PCDH15: variants seen among roughly 807,000 people sequenced by gnomAD.
The protein encoded by PCDH15 is protocadherin related 15.
A neutral mutation model predicts 178.5 loss-of-function variants in PCDH15; 129 were observed. That is an observed-to-expected ratio of 0.72 (90% CI 0.63 to 0.84). PCDH15 has a LOEUF of 0.84. Among genes scored for constraint, PCDH15 ranks in the 40% least tolerant of loss-of-function variants. The pLI, the probability that PCDH15 is intolerant of heterozygous loss-of-function variation, is 0.00. For synonymous variants in PCDH15, 800 were observed against 732.0 expected, an observed-to-expected ratio of 1.09 and a Z score of -1.50; for missense variants, 2,230 against 2,099.9, an observed-to-expected ratio of 1.06 and a Z score of -1.21.
At chr10:53,897,431 T>C (rs1275053602) in intron 26 of PCDH15, among the ~76,000 whole-genome samples, 2 of 152,196 alleles carry the variant, frequency 1.3e-5, no homozygotes, top group Non-Finnish European at 2.9e-5. Flanking sequence ...ATTTTAAAGT[T>C]TAAAACATTT....
chr10:54,281,476 A>C (rs575757421), intron 8 of PCDH15, among the ~76,000 whole-genome samples: 19 of 152,016 alleles, frequency 1.2e-4, no homozygotes, highest in African/African-American at 4.3e-4. Flanking sequence ...TATTGAGTCT[A>C]TTAATCTTCT....
chr10:55,383,388 C>T (rs1016759660), intron 2 of PCDH15, among the ~76,000 whole-genome samples: 8 of 151,908 alleles, frequency 5.3e-5, no homozygotes, highest in Admixed American at 3.3e-4. Context: ...AGGGGCATGG[C>T]GGGCTGGGGT....
At chr10:54,164,809 G>GC (rs2046055182) in intron 13 of PCDH15, among the ~76,000 whole-genome samples, 1 of 152,118 alleles carries the variant, frequency 6.6e-6, no homozygotes, top group Non-Finnish European at 1.5e-5. Flanking sequence ...GAAGTCATAA[G>GC]ATATTATATC....
intron 3 of PCDH15, among the ~76,000 whole-genome samples, chr10:54,526,873 T>C (rs2083410708): frequency 1.3e-5 from 2 of 152,122 alleles, no homozygotes; most frequent in African/African-American, 2.4e-5. Context: ...GATGCAGGAA[T>C]TGCCTATACA....
chr10:55,154,397 T>A (rs1838826526), intron 2 of PCDH15, among the ~76,000 whole-genome samples: 1 of 152,048 alleles, frequency 6.6e-6, no homozygotes, highest in Non-Finnish European at 1.5e-5. Flanking sequence ...AAGAATAAAA[T>A]ATACAAAGGA....
At chr10:55,477,541 T>C (rs10763207) in intron 2 of PCDH15, among the ~76,000 whole-genome samples, 59,652 of 151,712 alleles carry the variant, frequency 0.39, 12,447 homozygotes, top group East Asian at 0.81. Flanking sequence ...CTGTCCAGAA[T>C]TCATTGGTAG....
chr10:54,107,122 T>C (rs1590483240), intron 15 of PCDH15, among the ~76,000 whole-genome samples: 1 of 152,238 alleles, frequency 6.6e-6, no homozygotes, highest in Admixed American at 6.5e-5. Flanking sequence ...ATTTTATTAA[T>C]AGAATCAATA....
At chr10:53,880,181 T>C (rs1240440274) in intron 26 of PCDH15, among the ~76,000 whole-genome samples, 1 of 152,206 alleles carries the variant, frequency 6.6e-6, no homozygotes, top group Non-Finnish European at 1.5e-5. Context: ...GTTATGCATA[T>C]TACATATAAT....
At chr10:54,303,434 G>A (rs2060268352) in intron 8 of PCDH15, among the ~76,000 whole-genome samples, 1 of 151,774 alleles carries the variant, frequency 6.6e-6, no homozygotes, top group Non-Finnish European at 1.5e-5. Flanking sequence ...GTATATATAT[G>A]CATATATATG....
intron 2 of PCDH15, among the ~76,000 whole-genome samples, chr10:55,525,205 G>T (rs1253970559): frequency 1.3e-5 from 2 of 151,758 alleles, no homozygotes; most frequent in Non-Finnish European, 2.9e-5. Flanking sequence ...TTGGATTTCA[G>T]TATTGTGAAT....
intron 3 of PCDH15, among the ~76,000 whole-genome samples, chr10:54,873,984 T>C (rs1312692495): frequency 6.8e-6 from 1 of 147,898 alleles, no homozygotes; most frequent in Non-Finnish European, 1.5e-5. Flanking sequence ...TTATTATTAT[T>C]ATTATACTTT....
chr10:55,464,015 AAGAAAG>A (rs1839768204), intron 2 of PCDH15, among the ~76,000 whole-genome samples: 1 of 126,192 alleles, frequency 7.9e-6, no homozygotes, highest in Non-Finnish European at 1.7e-5. Context: ...GAAAGAAAGA[AAGAAAG>A]AAAGAAAGAA....
intron 3 of PCDH15, among the ~76,000 whole-genome samples, chr10:54,381,044 T>C (rs371335004): frequency 6.6e-6 from 1 of 151,538 alleles, no homozygotes. Flanking sequence ...TTTAGAATTG[T>C]CCATTTGTAT....
At chr10:55,077,201 T>C (rs1256189789) in intron 2 of PCDH15, among the ~76,000 whole-genome samples, 1 of 152,092 alleles carries the variant, frequency 6.6e-6, no homozygotes, top group Non-Finnish European at 1.5e-5. Flanking sequence ...GTAGGCAGCC[T>C]ATAATTGTAT....
At chr10:54,938,384 T>C (rs1246030487) in intron 2 of PCDH15, among the ~76,000 whole-genome samples, 1 of 151,172 alleles carries the variant, frequency 6.6e-6, no homozygotes, top group African/African-American at 2.4e-5. Context: ...GATATTACTT[T>C]ATAGTTTTAC....
intron 9 of PCDH15, among the ~76,000 whole-genome samples, chr10:54,221,637 C>CT (rs1245757957): frequency 2.1e-5 from 3 of 146,080 alleles, no homozygotes; most frequent in African/African-American, 7.6e-5. Context: ...GAGTTTTGCT[C>CT]TTTTTTCTAG....
intron 2 of PCDH15, among the ~76,000 whole-genome samples, chr10:55,399,495 A>G (rs1364794598): frequency 6.6e-6 from 1 of 152,188 alleles, no homozygotes; most frequent in African/African-American, 2.4e-5. Context: ...GAAGACCAGG[A>G]AATAATGACG....
At chr10:54,495,446 C>T (rs9416367) in intron 3 of PCDH15, among the ~76,000 whole-genome samples, 6,764 of 152,028 alleles carry the variant, frequency 0.044, 484 homozygotes, top group African/African-American at 0.15. Context: ...AATACTGACA[C>T]GTTTTACATA....
At chr10:53,826,645 A>C (rs139856746) in intron 32 of PCDH15, among the ~76,000 whole-genome samples, 45 of 152,222 alleles carry the variant, frequency 3.0e-4, no homozygotes, top group Admixed American at 9.8e-4. Context: ...TAAGGAATCC[A>C]ATTATGAGGG....
Sources: allele counts gnomAD v4.1 joint callset (sites outside exome capture counted in the v4.1 genomes callset), GRCh38; gene constraint gnomAD v4.1.1; transcripts MANE v1.5; gene names NCBI Gene and HGNC (gene_info 2026-07-23, HGNC 2026-07-21).